DYRK1A: variants seen among roughly 807,000 people sequenced by gnomAD.
DYRK1A encodes the protein dual specificity tyrosine-phosphorylation-regulated kinase 1A.
A neutral mutation model predicts 79.7 loss-of-function variants in DYRK1A; 9 were observed. The observed-to-expected ratio is 0.11, with a 90% CI of 0.07 to 0.20. The LOEUF (loss-of-function observed/expected upper bound fraction) is 0.20. Among genes scored for constraint, DYRK1A ranks in the 10% least tolerant of loss-of-function variants. DYRK1A has a pLI of 1.00. For missense variants in DYRK1A, 622 were observed against 956.0 expected (o/e 0.65, Z 4.61); for synonymous variants, 349 against 329.7 (o/e 1.06, Z -0.63).
At chr21:37,501,466 C>A (rs1274872586) in intron 9 of DYRK1A, 1 of 152,090 alleles carries the variant, frequency 6.6e-6, no homozygotes, top group Admixed American at 6.5e-5. Flanking sequence ...CCACACCCGG[C>A]CACTTTTTAT....
intron 1 of DYRK1A, among the ~76,000 whole-genome samples, chr21:37,388,315 C>A (rs1406315843): frequency 2.6e-5 from 4 of 151,754 alleles, no homozygotes; most frequent in Non-Finnish European, 5.9e-5. Flanking sequence ...AAACTCTGGG[C>A]TCAAGCAGTC....
chr21:37,472,971 G>T, intron 3 of DYRK1A, 91 bp downstream of exon 3: 1 of 1,016,248 alleles, frequency 9.8e-7, no homozygotes, highest in South Asian at 3.0e-5. Flanking sequence ...TGCTTTAATG[G>T]CTTTCAGTTT....
At chr21:37,377,163 A>C (rs1379493187) in intron 1 of DYRK1A, among the ~76,000 whole-genome samples, 1 of 152,166 alleles carries the variant, frequency 6.6e-6, no homozygotes, top group Non-Finnish European at 1.5e-5. Context: ...TCTTTCCCCA[A>C]GGCTGGAGTG....
At chr21:37,440,335 C>T (rs1569323510) in intron 2 of DYRK1A, among the ~76,000 whole-genome samples, 1 of 151,518 alleles carries the variant, frequency 6.6e-6, no homozygotes. Context: ...CAGGGTTTCA[C>T]CATGCTGATC....
rs1293178427 is a variant in DYRK1A at position 37,521,497 on chromosome 21, G to C, written c.*8966G>C. 6.6e-6 allele frequency: 1 copy of C among 152,234 alleles called. No homozygotes were observed. Among genetic ancestry groups the C allele is most frequent in the Non-Finnish European group, 1.5e-5 (1 of 68,042 alleles). 9.4% of individuals were successfully genotyped at this position (152,234 alleles called of 1,614,324 possible). A position where few individuals can be genotyped will look rare whatever the true frequency, so the allele number is the denominator to read the frequency against. ...CAGTCATGTGCAAAGCACTTAGCTAGGTCTTAGGGATGAGGACAAAAAGCA... is the reference window on the plus strand; with the variant it reads ...CAGTCATGTGCAAAGCACTTAGCTACGTCTTAGGGATGAGGACAAAAAGCA... On this transcript the variant is annotated 3_prime_UTR_variant, in exon 12 of 12. Transcript: ENST00000647188.
In DYRK1A at chr21:37,480,835, A is replaced by G. The variant is rs187936450; in HGVS notation, c.489+9A>G. The G allele has an allele frequency of 9.3e-5, 147 of 1,572,694 alleles. 1 individual carries two copies. In the Admixed American group the frequency reaches 2.8e-3, roughly 29 times the overall value. On this transcript the variant is annotated intron_variant, in intron 5 of 11. Coordinates refer to ENST00000647188, the MANE Select transcript of DYRK1A (RefSeq NM_001347721.2). ...AAGGTTCCTTTGGACAGGTAATTTA[A>G]TGGAAAATGCTGAATTTCATTAGTT...
intron 11 of DYRK1A, among the ~76,000 whole-genome samples, chr21:37,507,811 T>C (rs567368830): frequency 6.6e-6 from 1 of 151,594 alleles, no homozygotes; most frequent in South Asian, 2.1e-4. Flanking sequence ...CAGCCACACC[T>C]GCCAGGGCCT....
intron 1 of DYRK1A, among the ~76,000 whole-genome samples, chr21:37,388,026 G>GT (rs1429210877): frequency 6.7e-6 from 1 of 148,920 alleles, no homozygotes; most frequent in Non-Finnish European, 1.5e-5. Context: ...AAATGTCTGT[G>GT]TTTTTATCTC....
intron 1 of DYRK1A, among the ~76,000 whole-genome samples, chr21:37,401,400 C>T (rs1456629109): frequency 6.6e-6 from 1 of 150,816 alleles, no homozygotes; most frequent in African/African-American, 2.4e-5. Flanking sequence ...TGTTTTTTAC[C>T]TTTTACAAAA....
At chr21:37,376,411 AG>A (rs1294849542) in intron 1 of DYRK1A, among the ~76,000 whole-genome samples, 1 of 152,178 alleles carries the variant, frequency 6.6e-6, no homozygotes, top group African/African-American at 2.4e-5. Flanking sequence ...TGGGAGGCAG[AG>A]GCAGGATAAT....
Position 37,523,458 on chromosome 21 carries a change from A to G in DYRK1A, c.*10927A>G, listed in dbSNP as rs2053948539. ...GGAAGTAGGGTTGTAAATGGAAGAA[A>G]AAATAAGAGAGATTCATTATGTTCT... On this transcript the variant is annotated 3_prime_UTR_variant, in exon 12 of 12. Coordinates refer to ENST00000647188, the MANE Select transcript of DYRK1A (RefSeq NM_001347721.2). 6.6e-6 allele frequency: 1 copy of G among 152,186 alleles called. No homozygotes were observed. The highest frequency in any genetic ancestry group is 2.4e-5 in the African/African-American group (1 of 41,434). 9.4% of individuals were successfully genotyped at this position (152,186 alleles called of 1,614,324 possible). A position where few individuals can be genotyped will look rare whatever the true frequency, so the allele number is the denominator to read the frequency against.
chr21:37,368,432 A>T (rs1039303902), intron 1 of DYRK1A, among the ~76,000 whole-genome samples: 3 of 152,228 alleles, frequency 2.0e-5, no homozygotes, highest in Non-Finnish European at 4.4e-5. Context: ...TGAAATAGTT[A>T]AAAATGGTAA....
chr21:37,484,329 CTTT>C (rs35615588), intron 5 of DYRK1A, among the ~76,000 whole-genome samples: 2 of 134,038 alleles, frequency 1.5e-5, no homozygotes, highest in Admixed American at 7.5e-5. Flanking sequence ...CAATAGGTCC[CTTT>C]TTTTTTTTTT....
At chr21:37,509,060 T>A (rs1601327674) in intron 11 of DYRK1A, among the ~76,000 whole-genome samples, 2 of 152,350 alleles carry the variant, frequency 1.3e-5, no homozygotes, top group South Asian at 4.1e-4. Flanking sequence ...TTTTGAGTGG[T>A]TGATATAGTC....
rs1299778985 is a variant in DYRK1A, at chr21:37,522,824, A to C, written c.*10293A>C. Reference sequence around the variant, plus strand: ...GCTCTTTGCCCATTTCTCTGTTCCCAAGGTCATTTTCTCCCCTTCTTGTTT... The same window carrying C: ...GCTCTTTGCCCATTTCTCTGTTCCCCAGGTCATTTTCTCCCCTTCTTGTTT... On this transcript the variant is annotated 3_prime_UTR_variant, in exon 12 of 12. Transcript: ENST00000647188. 6.6e-6 allele frequency: 1 copy of C among 152,264 alleles called. No homozygotes were observed. The highest frequency in any genetic ancestry group is 1.5e-5 in the Non-Finnish European group (1 of 68,122). 9.4% of individuals were successfully genotyped at this position (152,264 alleles called of 1,614,324 possible). A position where few individuals can be genotyped will look rare whatever the true frequency, so the allele number is the denominator to read the frequency against.
At chr21:37,433,717 C>T (rs1055183353) in intron 2 of DYRK1A, among the ~76,000 whole-genome samples, 4 of 151,822 alleles carry the variant, frequency 2.6e-5, no homozygotes, top group African/African-American at 9.7e-5. Context: ...ATGATAGTAT[C>T]GTGAATGATC....
chr21:37,464,735 G>A (rs1053974160), intron 2 of DYRK1A, among the ~76,000 whole-genome samples: 1 of 152,058 alleles, frequency 6.6e-6, no homozygotes, highest in African/African-American at 2.4e-5. Flanking sequence ...GTAAGCCAAG[G>A]GTAGTCAGAA....
intron 2 of DYRK1A, among the ~76,000 whole-genome samples, chr21:37,448,855 C>G (rs2051354901): frequency 6.6e-6 from 1 of 152,022 alleles, no homozygotes; most frequent in South Asian, 2.1e-4. Flanking sequence ...TGCCACCATG[C>G]CTGGCTAATT....
chr21:37,490,847 TG>T (rs1389011329), intron 7 of DYRK1A, among the ~76,000 whole-genome samples: 1 of 152,016 alleles, frequency 6.6e-6, no homozygotes, highest in Non-Finnish European at 1.5e-5. Context: ...GAATAGGAGA[TG>T]GAATGATTAA....
Sources: allele counts gnomAD v4.1 joint callset (sites outside exome capture counted in the v4.1 genomes callset), GRCh38; gene constraint gnomAD v4.1.1; transcripts MANE v1.5; gene names NCBI Gene and HGNC (gene_info 2026-07-23, HGNC 2026-07-21).